The following DLGAP2 variants were observed in gnomAD, a reference collection of about 807,000 sequenced individuals.
DLGAP2 encodes disks large-associated protein 2.
Under a neutral mutation model 100.3 loss-of-function variants are expected in DLGAP2, and 26 were observed. That is an observed-to-expected ratio of 0.26 (90% CI 0.19 to 0.36). DLGAP2 has a LOEUF of 0.36. Among genes scored for constraint, DLGAP2 ranks in the 10% least tolerant of loss-of-function variants. The probability of loss-of-function intolerance (pLI) is 1.00; values close to 1 mark genes in which losing one functional copy is unlikely to be tolerated. For synonymous variants in DLGAP2, 886 were observed against 630.1 expected, an observed-to-expected ratio of 1.41 and a Z score of -6.08; for missense variants, 1,858 against 1,453.2, an observed-to-expected ratio of 1.28 and a Z score of -4.53.
At position 935,173 on chromosome 8, in the gene DLGAP2, G is replaced by T. The variant is rs373922040; in HGVS notation, c.73+27207G>T. ...CTGCCCCTCGGGAGTGTTGGAAACA[G>T]CTTCTCTGAGCGACTCCACCATGGG... On this transcript the variant is annotated intron_variant, in intron 2 of 14. Coordinates refer to ENST00000637795, the MANE Select transcript of DLGAP2 (RefSeq NM_001346810.2). 2.1e-3 allele frequency among the ~76,000 whole-genome samples: 321 copies of T among 152,358 alleles called. 1 individual carries two copies. The highest frequency in any genetic ancestry group is 7.5e-3 in the African/African-American group (313 of 41,580).
At chr8:1,639,423 A>G (rs2130790905) in intron 8 of DLGAP2, among the ~76,000 whole-genome samples, 1 of 152,108 alleles carries the variant, frequency 6.6e-6, no homozygotes. Context: ...CGAGGCCTGA[A>G]TTGTGCAGCC....
In DLGAP2 at chr8:1,188,813, C is replaced by T. The variant is rs181550707; in HGVS notation, c.74-70038C>T. Among the ~76,000 whole-genome samples the T allele has an allele frequency of 3.0e-4, 45 of 148,116 alleles. 1 individual carries two copies. Among genetic ancestry groups the T allele is most frequent in the Admixed American group, 1.8e-3 (28 of 15,252 alleles). On this transcript the variant is annotated intron_variant, in intron 2 of 14. Coordinates refer to ENST00000637795, the MANE Select transcript of DLGAP2 (RefSeq NM_001346810.2). The stretch of plus-strand genomic sequence containing the variant: ...GCTTTGGGGTGACCACCTGCTGCGT[C>T]CTCAGGATGTGCCTTTTTTTAGGAA...
At chr8:1,655,257 T>G (rs984853017) in intron 8 of DLGAP2, among the ~76,000 whole-genome samples, 1 of 152,222 alleles carries the variant, frequency 6.6e-6, no homozygotes, top group East Asian at 1.9e-4. Flanking sequence ...TTAATTAAAG[T>G]GTCAAAATGG....
At chr8:1,141,659 A>G (rs1796524580) in intron 2 of DLGAP2, among the ~76,000 whole-genome samples, 1 of 152,210 alleles carries the variant, frequency 6.6e-6, no homozygotes, top group African/African-American at 2.4e-5. Context: ...ATTTGGAAAC[A>G]ACCTTCAGGT....
In DLGAP2 at chr8:1,639,798, G is replaced by A. The variant is rs574395893; in HGVS notation, c.1810+6752G>A. On this transcript the variant is annotated intron_variant, in intron 8 of 14. Transcript: ENST00000637795. ...GGAGTTCTCTGCCGTCCTTGGCTGC[G>A]GGCCACATGGCTCCAGCCTGGGCCT... 3.6e-4 allele frequency among the ~76,000 whole-genome samples: 55 copies of A among 152,282 alleles called. 1 individual carries two copies. The highest frequency in any genetic ancestry group is 4.0e-4 in the Non-Finnish European group (27 of 68,020).
intron 1 of DLGAP2, among the ~76,000 whole-genome samples, chr8:828,173 C>T (rs967952056): frequency 6.6e-6 from 1 of 152,208 alleles, no homozygotes; most frequent in African/African-American, 2.4e-5. Flanking sequence ...TCATTGATAA[C>T]ATCTTATCAG....
intron 2 of DLGAP2, among the ~76,000 whole-genome samples, chr8:964,882 G>A (rs73176507): frequency 0.013 from 1,910 of 152,186 alleles, 10 homozygotes; most frequent in Middle Eastern, 0.02. Context: ...GCCATGCTCC[G>A]GGGGGTACTG....
At chr8:1,264,942 A>T (rs772911311) in intron 3 of DLGAP2, among the ~76,000 whole-genome samples, 1 of 152,192 alleles carries the variant, frequency 6.6e-6, no homozygotes, top group African/African-American at 2.4e-5. Context: ...TCCCCTGCAC[A>T]TGGTCTCTTG....
At chr8:1,663,244 T>C (rs535606604) in intron 8 of DLGAP2, among the ~76,000 whole-genome samples, 33 of 152,190 alleles carry the variant, frequency 2.2e-4, no homozygotes, top group African/African-American at 7.7e-4. Context: ...TGTGTGTACA[T>C]GCACATGCGC....
chr8:1,079,763 G>C (rs1054689790), intron 2 of DLGAP2, among the ~76,000 whole-genome samples: 1 of 152,210 alleles, frequency 6.6e-6, no homozygotes, highest in Non-Finnish European at 1.5e-5. Flanking sequence ...AGGCCGATGA[G>C]AAGTGTCTGC....
At chr8:1,547,177 G>C (rs888036634) in intron 4 of DLGAP2, among the ~76,000 whole-genome samples, 1 of 152,188 alleles carries the variant, frequency 6.6e-6, no homozygotes, top group African/African-American at 2.4e-5. Flanking sequence ...GTGGGGCAGA[G>C]GGAGGCTCGG....
At chr8:1,311,892 A>G (rs1800622522) in intron 3 of DLGAP2, among the ~76,000 whole-genome samples, 1 of 152,230 alleles carries the variant, frequency 6.6e-6, no homozygotes, top group Non-Finnish European at 1.5e-5. Flanking sequence ...GTGTGTCAAA[A>G]TACATAAGGC....
chr8:1,682,041 C>T (rs1025037567), intron 12 of DLGAP2, among the ~76,000 whole-genome samples: 1 of 152,192 alleles, frequency 6.6e-6, no homozygotes, highest in Non-Finnish European at 1.5e-5. Flanking sequence ...CAAGAAGTTC[C>T]CTTATGGGAA....
chr8:1,420,199 G>T (rs1797050182), intron 3 of DLGAP2, among the ~76,000 whole-genome samples: 1 of 152,148 alleles, frequency 6.6e-6, no homozygotes, highest in Non-Finnish European at 1.5e-5. Flanking sequence ...GCTCTCCAGG[G>T]TCCAGCTTGA....
chr8:977,317 A>G (rs987599373), intron 2 of DLGAP2, among the ~76,000 whole-genome samples: 3 of 152,196 alleles, frequency 2.0e-5, no homozygotes, highest in Non-Finnish European at 2.9e-5. Context: ...AGCACCTCCC[A>G]TGTTCTTCTG....
rs1418535884 is a variant in DLGAP2 at position 1,170,832 on chromosome 8, C to G, written c.74-88019C>G. On this transcript the variant is annotated intron_variant, in intron 2 of 14. Transcript: ENST00000637795. ...AATTTTGTGGATCCTTTCAAAAAACCAGCTCCTGGATTCATTAATTTTTTG... is the reference window on the plus strand; with the variant it reads ...AATTTTGTGGATCCTTTCAAAAAACGAGCTCCTGGATTCATTAATTTTTTG... Among the ~76,000 whole-genome samples, 10 of 144,900 alleles carry G rather than the reference C, an allele frequency of 6.9e-5. No individual in the cohort carries two copies. In the Admixed American group the frequency reaches 7.1e-4, roughly 10 times the overall value.
intron 1 of DLGAP2, among the ~76,000 whole-genome samples, chr8:805,816 A>C (rs1282847496): frequency 6.6e-6 from 1 of 152,144 alleles, no homozygotes; most frequent in African/African-American, 2.4e-5. Context: ...GAGCCACCGC[A>C]CGCAGCCTGC....
chr8:1,144,808 G>A (rs1446286344), intron 2 of DLGAP2, among the ~76,000 whole-genome samples: 1 of 79,802 alleles, frequency 1.3e-5, no homozygotes, highest in African/African-American at 3.4e-5. Flanking sequence ...CGGCCTGTAT[G>A]CACAACCAAA....
intron 2 of DLGAP2, among the ~76,000 whole-genome samples, chr8:915,295 C>A (rs1223066774): frequency 6.6e-6 from 1 of 152,208 alleles, no homozygotes; most frequent in Non-Finnish European, 1.5e-5. Context: ...CGCCTGTAAT[C>A]CCAGCGCTTT....
Sources: gnomAD v4.1 joint callset for allele counts (sites outside exome capture counted in the v4.1 genomes callset) on GRCh38, gnomAD v4.1.1 for gene constraint, MANE v1.5 for transcripts, NCBI Gene and HGNC (gene_info 2026-07-23, HGNC 2026-07-21) for gene names.